Variants in FGF12 observed in about 807,000 individuals in gnomAD.
The protein encoded by FGF12 is fibroblast growth factor 12, also known as fibroblast growth factor 12B.
Under a neutral mutation model 23.6 loss-of-function variants are expected in FGF12, and 14 were observed. The ratio of observed to expected loss-of-function variants is 0.59; its 90% CI spans 0.39 to 0.93. The LOEUF (loss-of-function observed/expected upper bound fraction) is 0.93. FGF12 is among the 40% of genes least tolerant of loss of function. FGF12 has a pLI of 0.00. For synonymous variants in FGF12, 62 were observed against 77.3 expected (o/e 0.80, Z 1.04); for missense variants, 175 against 217.8 (o/e 0.80, Z 1.24).
At chr3:192,463,428 AGTT>A (rs753415236) in intron 2 of FGF12, among the ~76,000 whole-genome samples, 3 of 152,118 alleles carry the variant, frequency 2.0e-5, no homozygotes, top group East Asian at 1.9e-4. Flanking sequence ...TCAAAAAAAA[AGTT>A]GTTGTTGTCG....
chr3:192,214,637 C>A (rs528281360), intron 4 of FGF12, among the ~76,000 whole-genome samples: 1 of 152,278 alleles, frequency 6.6e-6, no homozygotes, highest in South Asian at 2.1e-4. Context: ...AACTTACCCA[C>A]GAGCAGAAAT....
intron 4 of FGF12, among the ~76,000 whole-genome samples, chr3:192,292,467 C>G (rs1404236190): frequency 6.6e-6 from 1 of 151,988 alleles, no homozygotes; most frequent in East Asian, 1.9e-4. Flanking sequence ...AATTTCTCAT[C>G]TTAAAGGAAA....
chr3:192,349,306 C>A (rs1400618305), intron 3 of FGF12, among the ~76,000 whole-genome samples: 1 of 152,068 alleles, frequency 6.6e-6, no homozygotes, highest in Admixed American at 6.6e-5. Flanking sequence ...AATCAACTCT[C>A]ACTTCAGAGC....
At chr3:192,546,676 T>C (rs973243490) in intron 2 of FGF12, among the ~76,000 whole-genome samples, 4 of 150,188 alleles carry the variant, frequency 2.7e-5, no homozygotes, top group Non-Finnish European at 4.4e-5. Flanking sequence ...TTCTGACACA[T>C]AGTCTCTACT....
intron 2 of FGF12, among the ~76,000 whole-genome samples, chr3:192,461,276 T>C (rs1722853847): frequency 1.3e-5 from 2 of 152,128 alleles, no homozygotes; most frequent in Admixed American, 1.3e-4. Flanking sequence ...GCTCAAAACA[T>C]TCAGGCTTGA....
chr3:192,354,999 T>G (rs748285948), intron 3 of FGF12, among the ~76,000 whole-genome samples: 1 of 152,184 alleles, frequency 6.6e-6, no homozygotes, highest in Admixed American at 6.5e-5. Context: ...CGTCAGCCAC[T>G]GCAACCAACT....
At chr3:192,556,014 C>T (rs753131436) in intron 2 of FGF12, among the ~76,000 whole-genome samples, 1 of 151,314 alleles carries the variant, frequency 6.6e-6, no homozygotes, top group African/African-American at 2.4e-5. Context: ...ATAAAAGATG[C>T]ACCAAAGAAA....
At chr3:192,405,127 T>C (rs941140565) in intron 2 of FGF12, among the ~76,000 whole-genome samples, 4 of 151,072 alleles carry the variant, frequency 2.6e-5, no homozygotes, top group Non-Finnish European at 2.9e-5. Flanking sequence ...GGATTTCTCA[T>C]CTACAAAGAC....
chr3:192,612,232 G>A (rs573117522), intron 2 of FGF12, among the ~76,000 whole-genome samples: 2 of 152,022 alleles, frequency 1.3e-5, no homozygotes, highest in Admixed American at 6.6e-5. Flanking sequence ...TATGACCCTG[G>A]ACTTTGGGTG....
chr3:192,200,829 G>T (rs1220845651), intron 4 of FGF12, among the ~76,000 whole-genome samples: 1 of 151,948 alleles, frequency 6.6e-6, no homozygotes, highest in African/African-American at 2.4e-5. Flanking sequence ...TCACAAAGTG[G>T]TTCTGTATTT....
chr3:192,306,134 T>G (rs1715638654), intron 4 of FGF12, among the ~76,000 whole-genome samples: 1 of 152,122 alleles, frequency 6.6e-6, no homozygotes, highest in South Asian at 2.1e-4. Context: ...GTGGATCCAG[T>G]GTCATTACAA....
At chr3:192,337,091 TAAG>T (rs1011373211) in intron 3 of FGF12, among the ~76,000 whole-genome samples, 134 of 152,104 alleles carry the variant, frequency 8.8e-4, no homozygotes, top group African/African-American at 3.1e-3. Context: ...TGAAACAACT[TAAG>T]AAATACAAGA....
Position 192,409,055 on chromosome 3 carries a change from G to A in FGF12, c.14-48517C>T, listed in dbSNP as rs534900003. 311 of 973,192 alleles carry A rather than the reference G, an allele frequency of 3.2e-4. No homozygotes were observed. In the African/African-American group the frequency reaches 5.1e-3, roughly 16 times the overall value. 60.3% of individuals were successfully genotyped at this position (973,192 alleles called of 1,614,324 possible). ...AACTCCCGGCCAGCAGCACTGCAAA[G>A]AGAGCGGGAGGCGAGGGAGGGGGGA... On this transcript the variant is annotated intron_variant, in intron 2 of 5. Coordinates refer to ENST00000445105, the MANE Select transcript of FGF12 (RefSeq NM_004113.6). This position sits in a 1 kb window ranked among gnomAD's most constrained non-coding sequence, Gnocchi z 4.8.
intron 2 of FGF12, among the ~76,000 whole-genome samples, chr3:192,506,682 A>C (rs1050053298): frequency 1.3e-5 from 2 of 151,082 alleles, no homozygotes; most frequent in Non-Finnish European, 3.0e-5. Context: ...AACATAGTTT[A>C]TTCTTTAAGT....
At chr3:192,347,766 A>G (rs1718029735) in intron 3 of FGF12, among the ~76,000 whole-genome samples, 1 of 152,174 alleles carries the variant, frequency 6.6e-6, no homozygotes, top group African/African-American at 2.4e-5. Flanking sequence ...AGCTCTGCTC[A>G]AGTCCTTCAT....
chr3:192,382,059 C>A (rs563153504), intron 2 of FGF12, among the ~76,000 whole-genome samples: 1 of 151,616 alleles, frequency 6.6e-6, no homozygotes, highest in African/African-American at 2.4e-5. Context: ...TGCAGTGCTG[C>A]GATCTCAGCC....
intron 2 of FGF12, among the ~76,000 whole-genome samples, chr3:192,363,495 C>A (rs533117911): frequency 1.5e-4 from 23 of 152,028 alleles, no homozygotes; most frequent in African/African-American, 5.1e-4. Flanking sequence ...CCAGAGTCTG[C>A]GTTTTAATCA....
intron 5 of FGF12, among the ~76,000 whole-genome samples, chr3:192,164,907 TATA>T (rs1715075853): frequency 2.0e-5 from 3 of 152,228 alleles, no homozygotes; most frequent in Admixed American, 1.3e-4. Context: ...TTATGTGCTT[TATA>T]CCTGCCCTAT....
intron 4 of FGF12, among the ~76,000 whole-genome samples, chr3:192,242,629 A>G (rs1437911057): frequency 1.3e-5 from 2 of 152,180 alleles, no homozygotes; most frequent in Non-Finnish European, 2.9e-5. Context: ...GCATAATATT[A>G]TATTAAAGTA....
Sources: allele counts gnomAD v4.1 joint callset (sites outside exome capture counted in the v4.1 genomes callset), GRCh38; gene constraint gnomAD v4.1.1; non-coding constraint Gnocchi (gnomAD v3.1); transcripts MANE v1.5; gene names NCBI Gene and HGNC (gene_info 2026-07-23, HGNC 2026-07-21).